The following CENPU variants were observed in gnomAD, a reference collection of about 807,000 sequenced individuals.
CENPU encodes centromere protein U, also known as KSHV latent nuclear antigen interacting protein 1.
Under a neutral mutation model 56.7 loss-of-function variants are expected in CENPU, and 46 were observed. The ratio of observed to expected loss-of-function variants is 0.81; its 90% confidence interval spans 0.64 to 1.04. The LOEUF (loss-of-function observed/expected upper bound fraction) is 1.04. Among genes scored for constraint, CENPU ranks in the 50% least tolerant of loss-of-function variants. CENPU has a pLI of 0.00. For missense variants in CENPU, 510 were observed against 490.1 expected (o/e 1.04, Z -0.38); for synonymous variants, 166 against 163.0 (o/e 1.02, Z -0.14).
chr4:184,725,169 C>A, intron 3 of CENPU, 107 bp from the exon 4 acceptor site: 1 of 577,626 alleles, frequency 1.7e-6, no homozygotes, highest in Non-Finnish European at 3.0e-6. Flanking sequence ...GTTCAACTAA[C>A]AAAATCAAAA....
chr4:184,717,874 C>CA (rs1159739064), intron 4 of CENPU, among the ~76,000 whole-genome samples: 1 of 152,126 alleles, frequency 6.6e-6, no homozygotes, highest in East Asian at 1.9e-4. Context: ...TTCAGGAAAA[C>CA]AAGTGTGAAG....
chr4:184,716,447 T>C lies in CENPU; in HGVS notation c.568A>G (p.Ser190Gly). 6.2e-7 allele frequency: 1 copy of C among 1,614,234 alleles called. No individual in the cohort carries two copies. The highest frequency in any genetic ancestry group is 8.5e-7 in the Non-Finnish European group (1 of 1,180,036). The change falls in exon 6 of 13, where the codon AGT (serine) becomes GGT (glycine). Residue 190 changes from serine (S) to glycine (G), a missense_variant. By Grantham distance (56) the Ser-to-Gly change is moderately conservative. Coordinates refer to ENST00000281453, the MANE Select transcript of CENPU (RefSeq NM_024629.4). ...SVTSKKTGPLSAQPSVEKENL... is the reference protein window; with the variant it reads ...SVTSKKTGPLGAQPSVEKENL... ...TCTTTTTCAACAGAGGGCTGGGCACTAAGGGGTCCTGTCTTTTTAGAAGTG... is the reference window on the plus strand; with the variant it reads ...TCTTTTTCAACAGAGGGCTGGGCACCAAGGGGTCCTGTCTTTTTAGAAGTG...
intron 3 of CENPU, among the ~76,000 whole-genome samples, chr4:184,726,730 G>A (rs1761463308): frequency 6.6e-6 from 1 of 151,144 alleles, no homozygotes; most frequent in Admixed American, 6.6e-5. Flanking sequence ...AGTAACCCAA[G>A]GGTCCATTAA....
At chr4:184,703,870 CAAT>C (rs1320432384) in intron 8 of CENPU, among the ~76,000 whole-genome samples, 1 of 152,150 alleles carries the variant, frequency 6.6e-6, no homozygotes, top group Non-Finnish European at 1.5e-5. Context: ...ACCCATAAGA[CAAT>C]AATGGAGCTA....
At chr4:184,728,802 A>G in intron 3 of CENPU, 116 bp downstream of exon 3, 1 of 727,426 alleles carries the variant, frequency 1.4e-6, no homozygotes, top group Non-Finnish European at 2.3e-6. Context: ...AGAGAACATT[A>G]TATTTACATG....
chr4:184,713,622 G>A (rs1048351819), intron 6 of CENPU, among the ~76,000 whole-genome samples: 6 of 152,076 alleles, frequency 3.9e-5, no homozygotes, highest in Admixed American at 2.6e-4. Flanking sequence ...TTCCAGCTAT[G>A]GTGAAGTAAC....
chr4:184,699,466 T>A, intron 11 of CENPU: 2 of 755,398 alleles, frequency 2.6e-6, no homozygotes, highest in Non-Finnish European at 3.9e-6. Context: ...TGAGTTAGCA[T>A]AGGAAGCGTT....
At position 184,734,051 on chromosome 4, in the gene CENPU, C is replaced by G. The variant is rs746038756; in HGVS notation, c.12G>C (p.Arg4=). ...TGTGAGGCCGCGGCCGCCGCCGCCC[C>G]CGCGGGGCCATGGTGCCGCTCTCCG... is the stretch of plus-strand genomic sequence containing the variant. MAP[R]GRRRPRPHRS... The change falls in exon 1 of 13, where the codon CGG becomes CGC. Residue 4 remains arginine (R), a synonymous_variant. Coordinates refer to ENST00000281453, the MANE Select transcript of CENPU (RefSeq NM_024629.4). The G allele has an allele frequency of 6.4e-6, 10 of 1,569,352 alleles. No homozygotes were observed. The highest frequency in any genetic ancestry group is 7.8e-6 in the Non-Finnish European group (9 of 1,159,174).
At chr4:184,729,065 T>C (rs762851917) in intron 2 of CENPU, 30 bp from the exon 3 acceptor site, 2 of 1,520,522 alleles carry the variant, frequency 1.3e-6, no homozygotes, top group South Asian at 1.1e-5. Context: ...AGTCATTGAG[T>C]TGGCTCTCAC....
rs569594818 is a variant in CENPU, at chr4:184,729,143, C to A, written c.97-108G>T. On this transcript the variant is annotated intron_variant, in intron 2 of 12. Transcript: ENST00000281453. ...ATCACTGCTGCCTAAGGAAGCAATC[C>A]TTATGCATGGGGTGATGGATTCACT... is the stretch of plus-strand genomic sequence containing the variant. The A allele has an allele frequency of 1.5e-5, 12 of 822,002 alleles. 2 individuals carry two copies. The highest frequency in any genetic ancestry group is 1.4e-4 in the South Asian group (9 of 62,646). 50.9% of individuals were successfully genotyped at this position (822,002 alleles called of 1,614,324 possible).
intron 4 of CENPU, among the ~76,000 whole-genome samples, chr4:184,718,004 C>T (rs1476880456): frequency 6.6e-6 from 1 of 152,162 alleles, no homozygotes; most frequent in Non-Finnish European, 1.5e-5. Context: ...GAGAAAATAA[C>T]GAACGCTAGG....
intron 8 of CENPU, among the ~76,000 whole-genome samples, chr4:184,708,806 GA>G (rs1235393440): frequency 1.3e-5 from 2 of 152,096 alleles, no homozygotes; most frequent in African/African-American, 4.8e-5. Flanking sequence ...TTAAATATGA[GA>G]AAATACTTAT....
intron 9 of CENPU, 74 bp downstream of exon 9, chr4:184,702,289 C>T (rs1760560493): frequency 6.9e-7 from 1 of 1,446,650 alleles, no homozygotes; most frequent in African/African-American, 1.4e-5. Context: ...GCAAGCTTTT[C>T]TAAGACAACA....
chr4:184,695,339 G>A lies in CENPU; in HGVS notation c.1206C>T (p.Ser402=). Residue 402 remains serine (S), a synonymous_variant, in exon 13 of 13, where the codon AGC becomes AGT. Coordinates refer to ENST00000281453, the MANE Select transcript of CENPU (RefSeq NM_024629.4). ...ACTGATGGTTGATATTTCGCAGATGGCTTTCGGCTCCCAGAAGTGTTCTTG... is the reference window on the plus strand; with the variant it reads ...ACTGATGGTTGATATTTCGCAGATGACTTTCGGCTCCCAGAAGTGTTCTTG... The part of the protein sequence containing the change: ...FKARTLLGAE[S]HLRNINHQLE... 1 of 1,613,528 alleles carries A rather than the reference G, an allele frequency of 6.2e-7. No individual in the cohort carries two copies. Among genetic ancestry groups the A allele is most frequent in the South Asian group, 1.1e-5 (1 of 91,080 alleles).
chr4:184,723,789 G>A (rs1219176356), intron 4 of CENPU, among the ~76,000 whole-genome samples: 4 of 140,026 alleles, frequency 2.9e-5, no homozygotes, highest in Non-Finnish European at 3.0e-5. Flanking sequence ...GTTACAGTGA[G>A]CCAAGATTGC....
At chr4:184,695,473 T>C (rs914652181) in intron 12 of CENPU, 72 bp from the exon 13 acceptor site, 48 of 1,004,922 alleles carry the variant, frequency 4.8e-5, no homozygotes, top group South Asian at 7.9e-5. Context: ...CCCAATCTTA[T>C]GACTAATGCA....
In CENPU at chr4:184,694,893, T is replaced by C. The variant is rs1760178859; in HGVS notation, c.*395A>G. 1 of 985,380 alleles carries C rather than the reference T, an allele frequency of 1.0e-6. No homozygotes were observed. The highest frequency in any genetic ancestry group is 1.5e-6 in the Non-Finnish European group (1 of 689,066). 61.0% of individuals were successfully genotyped at this position (985,380 alleles called of 1,614,324 possible). On this transcript the variant is annotated 3_prime_UTR_variant, in exon 13 of 13. Transcript: ENST00000281453. Reference sequence around the variant, plus strand: ...TAAACTAAGTTTTATTACTTTGCTTTCCAATTTTTGTTTTTTACTTCTGTA... The same window carrying C: ...TAAACTAAGTTTTATTACTTTGCTTCCCAATTTTTGTTTTTTACTTCTGTA...
chr4:184,727,039 C>G (rs1310204782), intron 3 of CENPU, among the ~76,000 whole-genome samples: 4 of 148,894 alleles, frequency 2.7e-5, no homozygotes, highest in Non-Finnish European at 4.4e-5. Flanking sequence ...TTGCTTGAAC[C>G]CAGGAGGTGG....
chr4:184,726,983 G>C (rs79993341), intron 3 of CENPU, among the ~76,000 whole-genome samples: 1 of 109,838 alleles, frequency 9.1e-6, no homozygotes, highest in African/African-American at 3.2e-5. Flanking sequence ...GTGGGGGGGG[G>C]GGGCGCCTGG....
Sources: gnomAD v4.1 joint callset for allele counts (sites outside exome capture counted in the v4.1 genomes callset) on GRCh38, gnomAD v4.1.1 for gene constraint, MANE v1.5 for transcripts, NCBI Gene and HGNC (gene_info 2026-07-23, HGNC 2026-07-21) for gene names.